The following DCN variants were observed in gnomAD, a reference collection of about 807,000 sequenced individuals.
The protein encoded by DCN is bone proteoglycan II.
A neutral mutation model predicts 36.5 loss-of-function variants in DCN; 17 were observed. The ratio of observed to expected loss-of-function variants is 0.47; its 90% CI spans 0.32 to 0.70. The LOEUF (loss-of-function observed/expected upper bound fraction) is 0.70. DCN is among the 30% of genes least tolerant of loss of function. DCN has a pLI of 0.04. For synonymous variants in DCN, 163 were observed against 161.4 expected (o/e 1.01, Z -0.07); for missense variants, 389 against 430.1 (o/e 0.90, Z 0.84).
chr12:91,141,123 A>C lies in DCN; in HGVS notation c.*4935T>G, dbSNP rs1880742285. 1 of 152,280 alleles carries C rather than the reference A, an allele frequency of 6.6e-6. No homozygotes were observed. The highest frequency in any genetic ancestry group is 1.9e-4 in the East Asian group (1 of 5,164). The allele number at this position is 152,280 out of a possible 1,614,324, so 9.4% of individuals were successfully genotyped here. ...CACGCAAAGGGATCCTCTCAAAGAC[A>C]GTTGAATCAAGTCACTCCTCTACCG... On this transcript the variant is annotated 3_prime_UTR_variant, in exon 8 of 8. Coordinates refer to ENST00000052754, the MANE Select transcript of DCN (RefSeq NM_001920.5).
chr12:91,175,445 T>C (rs764938369), intron 2 of DCN: 2 of 152,092 alleles, frequency 1.3e-5, no homozygotes, highest in Non-Finnish European at 2.9e-5. Context: ...TGCAGAGTAA[T>C]TACATAATTT....
chr12:91,173,277 A>G lies in DCN; in HGVS notation c.211+5065T>C, dbSNP rs561793034. Among the ~76,000 whole-genome samples the G allele has an allele frequency of 7.9e-5, 12 of 152,246 alleles. No homozygotes were observed. In the South Asian group the frequency reaches 1.9e-3, roughly 24 times the overall value. ...CCCTGGAGCTAGGGATGTTCTTCCA[A>G]AGGAAAATGAATCACAGCTGCAATC... On this transcript the variant is annotated intron_variant, in intron 2 of 7. Coordinates refer to ENST00000052754, the MANE Select transcript of DCN (RefSeq NM_001920.5).
In DCN at chr12:91,159,492, T is replaced by C. The variant is rs182070974; in HGVS notation, c.325-983A>G. ...ATTGCTTGATCACCAATACTTCTCATGTTTATTAAATTTTAATATAGGTTA... is the reference window on the plus strand; with the variant it reads ...ATTGCTTGATCACCAATACTTCTCACGTTTATTAAATTTTAATATAGGTTA... On this transcript the variant is annotated intron_variant, in intron 3 of 7. Coordinates refer to ENST00000052754, the MANE Select transcript of DCN (RefSeq NM_001920.5). 4.8e-4 allele frequency among the ~76,000 whole-genome samples: 73 copies of C among 152,262 alleles called. 2 individuals carry two copies. The East Asian group carries it at 0.013, about 27-fold the overall frequency.
At chr12:91,176,803 T>G (rs1043001371) in intron 2 of DCN, 4 of 152,326 alleles carry the variant, frequency 2.6e-5, no homozygotes, top group South Asian at 2.1e-4. Flanking sequence ...TTACATTTTT[T>G]GGGAACTTCG....
At chr12:91,164,313 A>G (rs1882359285) in intron 3 of DCN, among the ~76,000 whole-genome samples, 1 of 150,178 alleles carries the variant, frequency 6.7e-6, no homozygotes, top group African/African-American at 2.5e-5. Context: ...ACATGTATAC[A>G]TATGTAACTA....
rs536696250 is a variant in DCN, at chr12:91,142,436, A to G, written c.*3622T>C. On this transcript the variant is annotated 3_prime_UTR_variant, in exon 8 of 8. Coordinates refer to ENST00000052754, the MANE Select transcript of DCN (RefSeq NM_001920.5). Reference sequence around the variant, plus strand: ...ATGATATCCTGCAGCTGCCTCTGCAATAAAATTGTGGAATAAACCAGTTTC... The same window carrying G: ...ATGATATCCTGCAGCTGCCTCTGCAGTAAAATTGTGGAATAAACCAGTTTC... 1 of 152,364 alleles carries G rather than the reference A, an allele frequency of 6.6e-6. No individual in the cohort carries two copies. Among genetic ancestry groups the G allele is most frequent in the Admixed American group, 6.5e-5 (1 of 15,302 alleles). The allele number at this position is 152,364 out of a possible 1,614,324, so 9.4% of individuals were successfully genotyped here. A position where few individuals can be genotyped will look rare whatever the true frequency, so the allele number is the denominator to read the frequency against.
chr12:91,157,053 G>T, intron 5 of DCN, 22 bp downstream of exon 5: 1 of 1,480,684 alleles, frequency 6.8e-7, no homozygotes, highest in Non-Finnish European at 9.4e-7. Flanking sequence ...TTTTCAAAAT[G>T]TTTTGGAGAA....
At position 91,178,447 on chromosome 12, in the gene DCN, T is replaced by C; in HGVS notation, c.106A>G (p.Ile36Val). ...DFMLEDEASG[I>V]GPEVPDDRDF... ...CGGTCATCAGGAACTTCTGGGCCTATCCCAGAAGCCTCATCTTCTAGCATA... is the reference window on the plus strand; with the variant it reads ...CGGTCATCAGGAACTTCTGGGCCTACCCCAGAAGCCTCATCTTCTAGCATA... The change falls in exon 2 of 8, where the codon ATA (isoleucine) becomes GTA (valine). Residue 36 changes from isoleucine (I) to valine (V), a missense_variant. Transcript: ENST00000052754. The C allele has an allele frequency of 6.2e-7, 1 of 1,613,790 alleles. No individual in the cohort carries two copies. The highest frequency in any genetic ancestry group is 1.3e-5 in the African/African-American group (1 of 74,932).
chr12:91,143,870 A>T lies in DCN; in HGVS notation c.*2188T>A, dbSNP rs541945007. On this transcript the variant is annotated 3_prime_UTR_variant, in exon 8 of 8. Coordinates refer to ENST00000052754, the MANE Select transcript of DCN (RefSeq NM_001920.5). ...TATATATGTGTGTATATATATAAAG[A>T]TATATATGTGTGTGTATATATATAA... The T allele has an allele frequency of 6.7e-6, 1 of 149,456 alleles. No homozygotes were observed. Among genetic ancestry groups the T allele is most frequent in the Admixed American group, 6.7e-5 (1 of 14,912 alleles). 9.3% of individuals were successfully genotyped at this position (149,456 alleles called of 1,614,324 possible).
intron 3 of DCN, among the ~76,000 whole-genome samples, chr12:91,163,493 A>G (rs1276921139): frequency 2.0e-5 from 3 of 152,150 alleles, no homozygotes; most frequent in African/African-American, 4.8e-5. Flanking sequence ...AAATTCTTCT[A>G]GACCTTTGTG....
At chr12:91,173,720 T>C (rs752671988) in intron 2 of DCN, among the ~76,000 whole-genome samples, 6 of 152,202 alleles carry the variant, frequency 3.9e-5, no homozygotes, top group Non-Finnish European at 8.8e-5. Context: ...ATTCTGTCTG[T>C]TCCTCTACAA....
chr12:91,157,634 T>A (rs889219244), intron 4 of DCN, among the ~76,000 whole-genome samples: 24 of 133,372 alleles, frequency 1.8e-4, no homozygotes, highest in Non-Finnish European at 3.4e-4. Flanking sequence ...TTTAGAGAAA[T>A]TTTTTTTTTT....
intron 6 of DCN, 25 bp from the exon 7 acceptor site, chr12:91,151,817 G>C: frequency 6.2e-7 from 1 of 1,613,324 alleles, no homozygotes; most frequent in African/African-American, 1.3e-5. Context: ...AGAAATGAAA[G>C]CAAACACCAC....
chr12:91,171,622 A>G lies in DCN; in HGVS notation c.211+6720T>C, dbSNP rs184915764. 5.9e-5 allele frequency among the ~76,000 whole-genome samples: 9 copies of G among 152,358 alleles called. No individual in the cohort carries two copies. In the East Asian group the frequency reaches 1.7e-3, roughly 29 times the overall value. On this transcript the variant is annotated intron_variant, in intron 2 of 7. Coordinates refer to ENST00000052754, the MANE Select transcript of DCN (RefSeq NM_001920.5). ...TTGCTCTGGGACAGCCAGGGGCCAT[A>G]GGAAAAAAGAGAGGCTGTCTGAGGC...
chr12:91,176,389 TG>T (rs1274986675), intron 2 of DCN: 2 of 152,028 alleles, frequency 1.3e-5, no homozygotes, highest in African/African-American at 4.8e-5. Flanking sequence ...AAAGATAACA[TG>T]TAGAAAACTT....
intron 7 of DCN, among the ~76,000 whole-genome samples, chr12:91,148,947 C>T (rs1019651950): frequency 5.9e-5 from 9 of 152,094 alleles, no homozygotes; most frequent in Admixed American, 5.2e-4. Flanking sequence ...ATTTACCATC[C>T]TCTATATTCC....
At chr12:91,168,300 C>T (rs1326510668) in intron 2 of DCN, among the ~76,000 whole-genome samples, 2 of 152,134 alleles carry the variant, frequency 1.3e-5, no homozygotes, top group East Asian at 3.8e-4. Flanking sequence ...TTCTAACAAT[C>T]CCTTGAAGCA....
chr12:91,159,334 T>TA (rs1238327937), intron 3 of DCN, among the ~76,000 whole-genome samples: 4 of 152,192 alleles, frequency 2.6e-5, no homozygotes, highest in Non-Finnish European at 4.4e-5. Context: ...GATATTATGT[T>TA]TCTTAAGAGT....
chr12:91,159,952 T>C (rs1355301350), intron 3 of DCN, among the ~76,000 whole-genome samples: 1 of 152,154 alleles, frequency 6.6e-6, no homozygotes, highest in Non-Finnish European at 1.5e-5. Context: ...ATTTTTAGTC[T>C]CAGAAATGCA....
Sources: gnomAD v4.1 joint callset for allele counts (sites outside exome capture counted in the v4.1 genomes callset) on GRCh38, gnomAD v4.1.1 for gene constraint, MANE v1.5 for transcripts, NCBI Gene and HGNC (gene_info 2026-07-23, HGNC 2026-07-21) for gene names.